NBAS: variants seen among roughly 807,000 people sequenced by gnomAD.
NBAS encodes NBAS subunit of NRZ tethering complex.
In NBAS, 219 loss-of-function variants were observed where a neutral mutation model predicts 302.5. That is an observed-to-expected ratio of 0.72 (90% confidence interval 0.65 to 0.81). NBAS has a LOEUF of 0.81. Among genes scored for constraint, NBAS ranks in the 30% least tolerant of loss-of-function variants. The pLI is 0.00. For synonymous variants in NBAS, 1,118 were observed against 1,021.6 expected, an observed-to-expected ratio of 1.09 and a Z score of -1.80; for missense variants, 2,932 against 2,841.6, an observed-to-expected ratio of 1.03 and a Z score of -0.72.
At chr2:15,406,116 C>A (rs7605077) in intron 25 of NBAS, among the ~76,000 whole-genome samples, 81,677 of 132,796 alleles carry the variant, frequency 0.62, 25,332 homozygotes, top group Non-Finnish European at 0.67. Flanking sequence ...AAAAAAAAAA[C>A]AAAACAAAAA....
intron 28 of NBAS, among the ~76,000 whole-genome samples, chr2:15,388,860 G>A (rs981917144): frequency 1.3e-5 from 2 of 151,900 alleles, no homozygotes; most frequent in African/African-American, 4.8e-5. Context: ...CAAACATAAC[G>A]TCGAGAGAAA....
chr2:14,855,483 G>A, the NBAS span, among the ~76,000 whole-genome samples: 53 of 152,048 alleles, frequency 3.5e-4, no homozygotes, highest in Non-Finnish European at 7.4e-4. Context: ...CTGATTCTAG[G>A]ACTTCACTCT....
the NBAS span, among the ~76,000 whole-genome samples, chr2:15,098,047 A>T: frequency 7.2e-3 from 1 of 138 alleles, no homozygotes; most frequent in South Asian, 0.25. Context: ...TATTGTATAT[A>T]ATATATTATA....
chr2:14,791,837 T>TAAATAAATAAAG, the NBAS span, among the ~76,000 whole-genome samples: 1 of 148,252 alleles, frequency 6.7e-6, no homozygotes, highest in Non-Finnish European at 1.5e-5. Flanking sequence ...AATAAATAAA[T>TAAATAAATAAAG]AAATAAAATG....
intron 25 of NBAS, among the ~76,000 whole-genome samples, chr2:15,414,667 G>A (rs376956251): frequency 3.3e-5 from 5 of 152,128 alleles, no homozygotes; most frequent in African/African-American, 7.2e-5. Flanking sequence ...AATATCGGCC[G>A]TGCGCAGTGG....
At chr2:15,162,288 C>T (rs1663917983), downstream of NBAS, among the ~76,000 whole-genome samples, 1 of 152,176 alleles carries the variant, frequency 6.6e-6, no homozygotes, top group South Asian at 2.1e-4. Context: ...GTGTGGCTCC[C>T]TCCCCTTTCA....
chr2:15,066,696 G>T, the NBAS span, among the ~76,000 whole-genome samples: 5 of 152,058 alleles, frequency 3.3e-5, no homozygotes, highest in African/African-American at 1.2e-4. Flanking sequence ...AAAACAAAAG[G>T]TAAGTGTTGG....
At chr2:14,779,020 A>C in the NBAS span, among the ~76,000 whole-genome samples, 1 of 152,348 alleles carries the variant, frequency 6.6e-6, no homozygotes, top group African/African-American at 2.4e-5. Flanking sequence ...GAGCCCTCAG[A>C]AGCCAAGATC....
intron 47 of NBAS, among the ~76,000 whole-genome samples, chr2:15,231,758 A>T (rs923232657): frequency 6.6e-6 from 1 of 152,340 alleles, no homozygotes; most frequent in African/African-American, 2.4e-5. Flanking sequence ...TCTCAAACCC[A>T]TCTTCATTAT....
the NBAS span, among the ~76,000 whole-genome samples, chr2:15,031,229 C>T: frequency 6.6e-6 from 1 of 152,170 alleles, no homozygotes; most frequent in South Asian, 2.1e-4. Context: ...CAGCAACCAA[C>T]AATCTCATGT....
chr2:15,457,689 G>T (rs972988257), intron 21 of NBAS, among the ~76,000 whole-genome samples: 1 of 152,190 alleles, frequency 6.6e-6, no homozygotes, highest in Non-Finnish European at 1.5e-5. Context: ...ATGGTGCGTG[G>T]AAAGTGGAGG....
At chr2:15,183,635 GT>G (rs1664932610) in intron 50 of NBAS, among the ~76,000 whole-genome samples, 1 of 152,212 alleles carries the variant, frequency 6.6e-6, no homozygotes, top group Non-Finnish European at 1.5e-5. Context: ...GATCCAGAGA[GT>G]TTGGGGCTTT....
In NBAS at chr2:15,444,706, A is replaced by C. The variant is rs1572862417; in HGVS notation, c.2339+16495T>G. ...GCACAGCAAAAGAAACTACCATCAG[A>C]GTGAACAGGCAACCTACAAAATGGG... is the stretch of plus-strand genomic sequence containing the variant. On this transcript the variant is annotated intron_variant, in intron 21 of 51. Transcript: ENST00000281513. 2.0e-5 allele frequency among the ~76,000 whole-genome samples: 3 copies of C among 151,366 alleles called. 1 individual carries two copies. Among genetic ancestry groups the C allele is most frequent in the African/African-American group, 4.8e-5 (2 of 41,442 alleles).
the NBAS span, among the ~76,000 whole-genome samples, chr2:14,976,151 C>T: frequency 0.069 from 10,574 of 152,254 alleles, 946 homozygotes; most frequent in African/African-American, 0.19. Context: ...AACTGGAACA[C>T]GGCATGAGCC....
At chr2:14,983,269 T>C in the NBAS span, among the ~76,000 whole-genome samples, 12,114 of 152,262 alleles carry the variant, frequency 0.08, 1,248 homozygotes, top group African/African-American at 0.23. Flanking sequence ...CCTTTTAGCC[T>C]CATTGGATTT....
At chr2:15,143,019 T>C in the NBAS span, among the ~76,000 whole-genome samples, 2 of 152,214 alleles carry the variant, frequency 1.3e-5, no homozygotes, top group Non-Finnish European at 2.9e-5. Context: ...GTCCGTGCAG[T>C]ATTCTCTAGA....
the NBAS span, among the ~76,000 whole-genome samples, chr2:14,797,182 C>T: frequency 0.01 from 1,524 of 151,824 alleles, 22 homozygotes; most frequent in Admixed American, 0.021. Context: ...GACCCACCTT[C>T]GGGTAGGCGT....
At chr2:14,880,618 A>T in the NBAS span, among the ~76,000 whole-genome samples, 4 of 152,062 alleles carry the variant, frequency 2.6e-5, no homozygotes. Flanking sequence ...AAACATTGAA[A>T]AGAGTAATCA....
chr2:14,941,346 A>G, the NBAS span, among the ~76,000 whole-genome samples: 1 of 152,192 alleles, frequency 6.6e-6, no homozygotes, highest in Non-Finnish European at 1.5e-5. Context: ...GTGTATGTGT[A>G]GCTCATTTGG....
Sources: allele counts gnomAD v4.1 joint callset (sites outside exome capture counted in the v4.1 genomes callset), GRCh38; gene constraint gnomAD v4.1.1; transcripts MANE v1.5; gene names NCBI Gene and HGNC (gene_info 2026-07-23, HGNC 2026-07-21).